Variants in OTOF observed in about 807,000 individuals in gnomAD.
The protein encoded by OTOF is fer-1-like family member 2.
Under a neutral mutation model 236.8 loss-of-function variants are expected in OTOF, and 218 were observed. The ratio of observed to expected loss-of-function variants is 0.92; its 90% confidence interval spans 0.82 to 1.03. The LOEUF is 1.03. Ranked by LOEUF, OTOF falls within the 50% of genes least tolerant of loss-of-function variation. The pLI is 0.00. For synonymous variants in OTOF, 1,041 were observed against 1,072.5 expected, an observed-to-expected ratio of 0.97 and a Z score of 0.57; for missense variants, 2,590 against 2,694.4, an observed-to-expected ratio of 0.96 and a Z score of 0.86.
chr2:26,494,877 G>A lies in OTOF; in HGVS notation c.897+65C>T, dbSNP rs757524583. On this transcript the variant is annotated intron_variant, in intron 9 of 46. Coordinates refer to ENST00000272371, the MANE Select transcript of OTOF (RefSeq NM_194248.3). ...ACTTCCAGCCACTCCTATTTCTCCTGGGGAGGGCTGGGGCCACCCTCCTGC... is the reference window on the plus strand; with the variant it reads ...ACTTCCAGCCACTCCTATTTCTCCTAGGGAGGGCTGGGGCCACCCTCCTGC... 43 of 1,587,936 alleles carry A rather than the reference G, an allele frequency of 2.7e-5. No homozygotes were observed. The East Asian group carries it at 3.6e-4, about 13-fold the overall frequency.
intron 2 of OTOF, among the ~76,000 whole-genome samples, chr2:26,530,245 C>T (rs578102941): frequency 9.6e-4 from 146 of 151,650 alleles, no homozygotes; most frequent in African/African-American, 3.3e-3. Flanking sequence ...TGAACGGTGG[C>T]GGGAGGCTGA....
At chr2:26,464,659 G>A (rs898662893) in intron 39 of OTOF, among the ~76,000 whole-genome samples, 1 of 152,142 alleles carries the variant, frequency 6.6e-6, no homozygotes, top group Non-Finnish European at 1.5e-5. Flanking sequence ...GAGAAAGCAG[G>A]TGGGGCTGCC....
Position 26,479,640 on chromosome 2 carries a change from G to A in OTOF, c.1926C>T (p.Asn642=), listed in dbSNP as rs72853741. 35,622 of 1,612,446 alleles carry A rather than the reference G, an allele frequency of 0.022. 489 individuals carry two copies. Among genetic ancestry groups the A allele is most frequent in the African/African-American group, 0.046 (3,427 of 75,056 alleles). The change falls in exon 17 of 47, where the codon AAC becomes AAT. Residue 642 remains asparagine (N), a synonymous_variant. Transcript: ENST00000272371. ...GGGGCCGGGACAGGCCATCAACTTC[G>A]TTCCCATAGTTGCCTGGAGCAGAAT... The part of the protein sequence containing the change: ...TFEVTIGNYG[N]EVDGLSRPQR...
intron 30 of OTOF, 162 bp downstream of exon 30, chr2:26,472,357 G>A: frequency 6.0e-6 from 5 of 836,372 alleles, no homozygotes; most frequent in Non-Finnish European, 1.0e-5. Flanking sequence ...AGTATTAGGA[G>A]GGAGCTGTTT....
intron 30 of OTOF, 45 bp from the exon 31 acceptor site, chr2:26,471,195 C>A: frequency 6.2e-7 from 1 of 1,607,184 alleles, no homozygotes; most frequent in Non-Finnish European, 8.5e-7. Flanking sequence ...GCCACTGGGG[C>A]CTGGAGTGGC....
chr2:26,515,058 A>G (rs1666488240), intron 5 of OTOF, among the ~76,000 whole-genome samples: 1 of 152,224 alleles, frequency 6.6e-6, no homozygotes. Flanking sequence ...CAGCCTGGAC[A>G]TGGGCAGCGC....
intron 1 of OTOF, among the ~76,000 whole-genome samples, chr2:26,543,572 T>C (rs942288656): frequency 7.2e-6 from 1 of 139,266 alleles, no homozygotes; most frequent in Non-Finnish European, 1.6e-5. Flanking sequence ...TGAAGCTAAT[T>C]AACTTCTCTT....
At chr2:26,476,786 G>C (rs977404638) in intron 22 of OTOF, 105 bp downstream of exon 22, 20 of 965,362 alleles carry the variant, frequency 2.1e-5, no homozygotes, top group Middle Eastern at 6.1e-4. Flanking sequence ...CTGAGCACCT[G>C]CTGCTTGAAG....
rs74399700 is a variant in OTOF, at chr2:26,524,705, C to T, written c.227+3127G>A. Among the ~76,000 whole-genome samples the T allele has an allele frequency of 2.0e-5, 3 of 152,312 alleles. No homozygotes were observed. The East Asian group carries it at 5.8e-4, about 29-fold the overall frequency. On this transcript the variant is annotated intron_variant, in intron 3 of 46. Transcript: ENST00000272371. ...AAATGATTTAACAATGTCTTCCATGCCCTCAGTTTCCACCATCACTGCTCA... is the reference window on the plus strand; with the variant it reads ...AAATGATTTAACAATGTCTTCCATGTCCTCAGTTTCCACCATCACTGCTCA...
At position 26,507,821 on chromosome 2, in the gene OTOF, C is replaced by T. The variant is rs150364032; in HGVS notation, c.510-3976G>A. On this transcript the variant is annotated intron_variant, in intron 5 of 46. Coordinates refer to ENST00000272371, the MANE Select transcript of OTOF (RefSeq NM_194248.3). The stretch of plus-strand genomic sequence containing the variant: ...CCATGGTCAGAATGAAATGCACCTA[C>T]AATCTAGACTGGTATTTATCTCTAG... Among the ~76,000 whole-genome samples, 829 of 152,274 alleles carry T rather than the reference C, an allele frequency of 5.4e-3. 32 individuals are homozygous for T. Among genetic ancestry groups the T allele is most frequent in the East Asian group, 2.9e-3 (15 of 5,188 alleles).
At chr2:26,516,338 G>A in intron 5 of OTOF, 80 bp downstream of exon 5, 1 of 1,336,116 alleles carries the variant, frequency 7.5e-7, no homozygotes, top group East Asian at 2.3e-5. Flanking sequence ...GCCTAGAGAG[G>A]CCTGTCAGTA....
chr2:26,459,012 G>A (rs1341288488), intron 46 of OTOF, among the ~76,000 whole-genome samples: 2 of 152,202 alleles, frequency 1.3e-5, no homozygotes, highest in African/African-American at 4.8e-5. Context: ...CTACCTCCTG[G>A]GTTTGGCGCA....
intron 1 of OTOF, among the ~76,000 whole-genome samples, chr2:26,541,020 G>A (rs1215637299): frequency 2.0e-5 from 3 of 152,246 alleles, no homozygotes; most frequent in African/African-American, 4.8e-5. Context: ...AGCTGAGCAT[G>A]TTTGTGTATG....
At chr2:26,548,850 G>T (rs1408925928) in intron 1 of OTOF, among the ~76,000 whole-genome samples, 1 of 152,184 alleles carries the variant, frequency 6.6e-6, no homozygotes, top group Non-Finnish European at 1.5e-5. Flanking sequence ...ATCGCTTAAT[G>T]ATGCATTTTT....
intron 5 of OTOF, among the ~76,000 whole-genome samples, chr2:26,506,431 A>G (rs1012688880): frequency 6.6e-6 from 1 of 152,028 alleles, no homozygotes; most frequent in African/African-American, 2.4e-5. Flanking sequence ...ACTTCCCCAG[A>G]GGGGAAGTGC....
chr2:26,473,986 C>T lies in OTOF; in HGVS notation c.3408+5G>A, dbSNP rs760279912. On this transcript the variant is annotated splice_donor_5th_base_variant and intron_variant, in intron 27 of 46. Transcript: ENST00000272371. The surrounding 1 kb of genome is among the most constrained non-coding windows in gnomAD (Gnocchi z 7.2). ...AAAGGGAAGGGCCACACAGAGCCCTCGCACCTCCACTCGGTACTTGCTGAG... is the reference window on the plus strand; with the variant it reads ...AAAGGGAAGGGCCACACAGAGCCCTTGCACCTCCACTCGGTACTTGCTGAG... The T allele has an allele frequency of 1.3e-5, 21 of 1,612,738 alleles. No homozygotes were observed. Among genetic ancestry groups the T allele is most frequent in the African/African-American group, 1.1e-4 (8 of 74,862 alleles).
chr2:26,521,918 G>A (rs72856048), intron 3 of OTOF, among the ~76,000 whole-genome samples: 1 of 152,182 alleles, frequency 6.6e-6, no homozygotes, highest in Non-Finnish European at 1.5e-5. Context: ...TACCAACACC[G>A]GCACTCGGAT....
At chr2:26,524,457 C>T (rs1290963864) in intron 3 of OTOF, among the ~76,000 whole-genome samples, 2 of 152,142 alleles carry the variant, frequency 1.3e-5, no homozygotes, top group African/African-American at 4.8e-5. Context: ...TGCAATGAGC[C>T]GAGACTAGGC....
chr2:26,507,261 A>G (rs1214489650), intron 5 of OTOF, among the ~76,000 whole-genome samples: 3 of 152,220 alleles, frequency 2.0e-5, no homozygotes, highest in African/African-American at 4.8e-5. Context: ...TTGCTCTTCA[A>G]TGAATCTGAA....
Sources: allele counts gnomAD v4.1 joint callset (sites outside exome capture counted in the v4.1 genomes callset), GRCh38; gene constraint gnomAD v4.1.1; non-coding constraint Gnocchi (gnomAD v3.1); transcripts MANE v1.5; gene names NCBI Gene and HGNC (gene_info 2026-07-23, HGNC 2026-07-21).